The following GADL1 variants were observed in gnomAD, a reference collection of about 807,000 sequenced individuals.
The protein encoded by GADL1 is acidic amino acid decarboxylase GADL1.
Under a neutral mutation model 69.5 loss-of-function variants are expected in GADL1, and 71 were observed. The observed-to-expected ratio is 1.02, with a 90% CI of 0.84 to 1.25. GADL1 has a LOEUF of 1.25. GADL1 is among the 50% of genes most tolerant of loss of function. The pLI, the probability that GADL1 is intolerant of heterozygous loss-of-function variation, is 0.00. For missense variants in GADL1, 737 were observed against 631.8 expected, an observed-to-expected ratio of 1.17 and a Z score of -1.79; for synonymous variants, 254 against 214.4, an observed-to-expected ratio of 1.18 and a Z score of -1.62.
chr3:30,803,043 G>A (rs1697192754), intron 11 of GADL1, among the ~76,000 whole-genome samples: 1 of 152,174 alleles, frequency 6.6e-6, no homozygotes. Flanking sequence ...AGTGAGCTGT[G>A]AGCACACCAC....
intron 11 of GADL1, 25 bp downstream of exon 11, chr3:30,833,828 A>T: frequency 6.4e-7 from 1 of 1,568,250 alleles, no homozygotes; most frequent in Non-Finnish European, 8.8e-7. Flanking sequence ...CTTGAAGCCC[A>T]AAGGACCACA....
chr3:30,836,460 A>G, intron 9 of GADL1, among the ~76,000 whole-genome samples: 1 of 151,740 alleles, frequency 6.6e-6, no homozygotes, highest in Non-Finnish European at 1.5e-5. Flanking sequence ...CTAATTCCTA[A>G]CTCCAGAAAC....
rs1156976084 is a variant in GADL1, at chr3:30,834,284, G to T, written c.904-3C>A. On this transcript the variant is annotated splice_polypyrimidine_tract_variant and splice_region_variant and intron_variant, in intron 9 of 14. Coordinates refer to ENST00000282538, the MANE Select transcript of GADL1 (RefSeq NM_207359.3). ...AAAGCTGAGCCACCCCAAGAAGCCT[G>T]TTGAGATATTTACAGTACCAGAACA... The T allele has an allele frequency of 6.2e-7, 1 of 1,611,496 alleles. No homozygotes were observed.
At chr3:30,740,407 G>T (rs995034135) in intron 14 of GADL1, among the ~76,000 whole-genome samples, 2 of 152,288 alleles carry the variant, frequency 1.3e-5, no homozygotes, top group South Asian at 4.1e-4. Context: ...AGTTGGGGAA[G>T]TTGTGAGAAA....
intron 2 of GADL1, 79 bp downstream of exon 2, chr3:30,861,514 G>T: frequency 1.9e-6 from 2 of 1,040,776 alleles, no homozygotes; most frequent in South Asian, 1.7e-5. Flanking sequence ...CTTCCCATTT[G>T]CTTTCTATTC....
At chr3:30,825,418 A>G (rs1401459869) in intron 11 of GADL1, among the ~76,000 whole-genome samples, 3 of 151,942 alleles carry the variant, frequency 2.0e-5, no homozygotes, top group Non-Finnish European at 4.4e-5. Flanking sequence ...TTGGATTAAC[A>G]CTTTGAATCA....
chr3:30,732,200 G>A (rs745315338), intron 14 of GADL1, among the ~76,000 whole-genome samples: 13 of 152,114 alleles, frequency 8.5e-5, no homozygotes, highest in Non-Finnish European at 1.6e-4. Flanking sequence ...AGGATGGCAT[G>A]GTCACAGGGG....
chr3:30,795,917 A>C (rs1358580860), intron 12 of GADL1, among the ~76,000 whole-genome samples: 1 of 152,202 alleles, frequency 6.6e-6, no homozygotes, highest in Non-Finnish European at 1.5e-5. Context: ...CAAATACTTA[A>C]ACATAGGTCA....
chr3:30,812,505 G>C (rs969389958), intron 11 of GADL1, among the ~76,000 whole-genome samples: 2 of 152,118 alleles, frequency 1.3e-5, no homozygotes, highest in Non-Finnish European at 2.9e-5. Flanking sequence ...GATCTTGTAA[G>C]ACCTACTCCC....
rs564287597 is a variant in GADL1, at chr3:30,850,948, A to G, written c.429-7T>C. ...GGACACCTCATACGTATAACTAGAT[A>G]GATATAAAAAACACTTCACTTCTAT... is the stretch of plus-strand genomic sequence containing the variant. On this transcript the variant is annotated splice_region_variant and splice_polypyrimidine_tract_variant and intron_variant, in intron 4 of 14. Coordinates refer to ENST00000282538, the MANE Select transcript of GADL1 (RefSeq NM_207359.3). 16 of 1,472,796 alleles carry G rather than the reference A, an allele frequency of 1.1e-5. No individual in the cohort carries two copies. The African/African-American group carries it at 2.2e-4, about 21-fold the overall frequency. 91.2% of individuals were successfully genotyped at this position (1,472,796 alleles called of 1,614,324 possible). A position where few individuals can be genotyped will look rare whatever the true frequency, so the allele number is the denominator to read the frequency against.
chr3:30,747,928 CA>C (rs1695732447), intron 14 of GADL1, among the ~76,000 whole-genome samples: 1 of 152,172 alleles, frequency 6.6e-6, no homozygotes, highest in Non-Finnish European at 1.5e-5. Context: ...ATGAGTTTAG[CA>C]AAACTCCCTG....
rs772101511 is a variant in GADL1, at chr3:30,836,501, A to G, written c.904-2220T>C. 1.3e-5 allele frequency among the ~76,000 whole-genome samples: 2 copies of G among 152,032 alleles called. 1 individual carries two copies. Among genetic ancestry groups the G allele is most frequent in the Non-Finnish European group, 2.9e-5 (2 of 68,002 alleles). On this transcript the variant is annotated intron_variant, in intron 9 of 14. Transcript: ENST00000282538. ...AATTATCAAACCTATCACCTAAATGATGGAGTTTGGCTTTCCATCTCAATA... is the reference window on the plus strand; with the variant it reads ...AATTATCAAACCTATCACCTAAATGGTGGAGTTTGGCTTTCCATCTCAATA...
rs17026696 is a variant in GADL1, at chr3:30,850,474, T to C, written c.535+361A>G. Among the ~76,000 whole-genome samples, 1,266 of 152,202 alleles carry C rather than the reference T, an allele frequency of 8.3e-3. 63 individuals are homozygous for C. In the East Asian group the frequency reaches 0.14, roughly 17 times the overall value. On this transcript the variant is annotated intron_variant, in intron 5 of 14. Coordinates refer to ENST00000282538, the MANE Select transcript of GADL1 (RefSeq NM_207359.3). ...AATTGAAATAATATTTGTTGGTCTCTGGCTACAAAAAAGGACTACAGGATA... is the reference window on the plus strand; with the variant it reads ...AATTGAAATAATATTTGTTGGTCTCCGGCTACAAAAAAGGACTACAGGATA...
At chr3:30,802,245 T>G (rs1025786997) in intron 11 of GADL1, among the ~76,000 whole-genome samples, 3 of 152,164 alleles carry the variant, frequency 2.0e-5, no homozygotes, top group Admixed American at 6.5e-5. Context: ...ACCTATATTC[T>G]CTCCTTGTGT....
At chr3:30,762,207 C>T (rs552525304) in intron 14 of GADL1, among the ~76,000 whole-genome samples, 1 of 152,064 alleles carries the variant, frequency 6.6e-6, no homozygotes, top group Non-Finnish European at 1.5e-5. Context: ...AGAAGAGGGG[C>T]TTGGGGTAGT....
At chr3:30,877,398 T>C (rs1698592187) in intron 1 of GADL1, among the ~76,000 whole-genome samples, 1 of 151,914 alleles carries the variant, frequency 6.6e-6, no homozygotes, top group African/African-American at 2.4e-5. Context: ...TTCTCTTTTT[T>C]GTGCCATCAA....
Position 30,752,401 on chromosome 3 carries a change from T to C in GADL1, c.1393-23986A>G, listed in dbSNP as rs146584200. 2.8e-3 allele frequency among the ~76,000 whole-genome samples: 419 copies of C among 152,166 alleles called. 2 individuals carry two copies. The highest frequency in any genetic ancestry group is 0.017 in the Middle Eastern group (5 of 294). On this transcript the variant is annotated intron_variant, in intron 14 of 14. Coordinates refer to ENST00000282538, the MANE Select transcript of GADL1 (RefSeq NM_207359.3). Reference sequence around the variant, plus strand: ...CACCTTGCATGGAGATAGACATGTATGGTGAAAGAGGATGGGAGTAACAAT... The same window carrying C: ...CACCTTGCATGGAGATAGACATGTACGGTGAAAGAGGATGGGAGTAACAAT...
At chr3:30,800,188 A>G (rs944808244) in intron 12 of GADL1, 3 of 152,758 alleles carry the variant, frequency 2.0e-5, no homozygotes, top group African/African-American at 7.2e-5. Flanking sequence ...GACTGGGAAG[A>G]AAAAGGTTTA....
intron 12 of GADL1, among the ~76,000 whole-genome samples, chr3:30,787,761 A>G (rs1016726395): frequency 2.0e-5 from 3 of 152,128 alleles, no homozygotes; most frequent in South Asian, 2.1e-4. Context: ...GACTAATACA[A>G]TCTTCTTCAA....
Sources: allele counts gnomAD v4.1 joint callset (sites outside exome capture counted in the v4.1 genomes callset), GRCh38; gene constraint gnomAD v4.1.1; transcripts MANE v1.5; gene names NCBI Gene and HGNC (gene_info 2026-07-23, HGNC 2026-07-21).